Variants in MYRIP observed in about 807,000 individuals in gnomAD.
MYRIP encodes myosin VIIA and Rab interacting protein.
In MYRIP, 49 loss-of-function variants were observed where a neutral mutation model predicts 98.0. The ratio of observed to expected loss-of-function variants is 0.50; its 90% confidence interval spans 0.40 to 0.63. MYRIP has a LOEUF of 0.63. Ranked by LOEUF, MYRIP falls within the 30% of genes least tolerant of loss-of-function variation. MYRIP has a pLI of 0.00. For missense variants in MYRIP, 1,004 were observed against 1,058.2 expected, an observed-to-expected ratio of 0.95 and a Z score of 0.71; for synonymous variants, 404 against 409.5, an observed-to-expected ratio of 0.99 and a Z score of 0.16.
chr3:39,926,274 T>C (rs1298946917), intron 2 of MYRIP, among the ~76,000 whole-genome samples: 1 of 152,144 alleles, frequency 6.6e-6, no homozygotes, highest in Non-Finnish European at 1.5e-5. Flanking sequence ...TTTTCTCCCA[T>C]TCTGTGGGTC....
chr3:40,014,190 A>G (rs9831302), intron 2 of MYRIP, among the ~76,000 whole-genome samples: 14,693 of 152,192 alleles, frequency 0.097, 1,258 homozygotes, highest in African/African-American at 0.22. Flanking sequence ...ACCCATATAA[A>G]CAAAATTATG....
intron 10 of MYRIP, among the ~76,000 whole-genome samples, chr3:40,192,325 TGTC>T (rs375425654): frequency 1.6e-4 from 3 of 18,392 alleles, no homozygotes; most frequent in Admixed American, 8.2e-4. Flanking sequence ...TATATATATA[TGTC>T]ATATATATAT....
At chr3:40,257,004 G>T (rs1430493607) in intron 16 of MYRIP, among the ~76,000 whole-genome samples, 1 of 152,100 alleles carries the variant, frequency 6.6e-6, no homozygotes, top group Non-Finnish European at 1.5e-5. Context: ...TAAAATATTA[G>T]CCAATTAAAG....
intron 2 of MYRIP, among the ~76,000 whole-genome samples, chr3:40,025,691 A>G (rs1409503498): frequency 6.6e-6 from 1 of 152,126 alleles, no homozygotes; most frequent in African/African-American, 2.4e-5. Context: ...CAGCTGGGCC[A>G]CGGAGGGTGT....
At chr3:39,945,492 GA>G (rs71618921) in intron 2 of MYRIP, among the ~76,000 whole-genome samples, 11 of 119,500 alleles carry the variant, frequency 9.2e-5, no homozygotes, top group African/African-American at 3.6e-4. Flanking sequence ...AAAAAAAAAA[GA>G]AAAAAGAAAA....
intron 2 of MYRIP, among the ~76,000 whole-genome samples, chr3:39,956,744 G>A (rs574759408): frequency 6.6e-6 from 1 of 151,694 alleles, no homozygotes; most frequent in Non-Finnish European, 1.5e-5. Flanking sequence ...CCAGGAGCTT[G>A]TATTTTGAAA....
At chr3:39,876,903 G>A (rs918356805) in intron 1 of MYRIP, among the ~76,000 whole-genome samples, 2 of 152,080 alleles carry the variant, frequency 1.3e-5, no homozygotes, top group African/African-American at 2.4e-5. Flanking sequence ...TGCTAGATTG[G>A]GGAAGTTCTC....
At chr3:39,899,506 A>G (rs13060185) in intron 1 of MYRIP, among the ~76,000 whole-genome samples, 53,187 of 151,920 alleles carry the variant, frequency 0.35, 9,701 homozygotes, top group Middle Eastern at 0.45. Flanking sequence ...TTATAGGTCA[A>G]TGATCCAAAC....
At chr3:40,097,091 C>T (rs1276755375) in intron 3 of MYRIP, among the ~76,000 whole-genome samples, 1 of 152,170 alleles carries the variant, frequency 6.6e-6, no homozygotes, top group Non-Finnish European at 1.5e-5. Context: ...TAAAACCAAC[C>T]ACGACCAAAA....
intron 2 of MYRIP, among the ~76,000 whole-genome samples, chr3:39,928,199 A>G (rs1167515570): frequency 6.6e-6 from 1 of 152,024 alleles, no homozygotes; most frequent in African/African-American, 2.4e-5. Context: ...CCTGTCCCCA[A>G]AAATAAATCT....
intron 3 of MYRIP, among the ~76,000 whole-genome samples, chr3:40,052,392 T>C (rs1197550302): frequency 6.6e-6 from 1 of 152,170 alleles, no homozygotes; most frequent in African/African-American, 2.4e-5. Flanking sequence ...GCTTTAGAGA[T>C]ACTCCAATGT....
At chr3:39,847,640 T>C (rs1273911981) in intron 1 of MYRIP, among the ~76,000 whole-genome samples, 1 of 152,188 alleles carries the variant, frequency 6.6e-6, no homozygotes, top group Non-Finnish European at 1.5e-5. Flanking sequence ...CCCACAGAGA[T>C]GATCCTTTTA....
intron 2 of MYRIP, among the ~76,000 whole-genome samples, chr3:39,989,986 C>T (rs1294700496): frequency 2.0e-5 from 3 of 152,226 alleles, no homozygotes; most frequent in Non-Finnish European, 2.9e-5. Context: ...CCAAGGAGTC[C>T]AAACGGCTTA....
intron 8 of MYRIP, among the ~76,000 whole-genome samples, chr3:40,175,229 T>C (rs1048265218): frequency 9.9e-5 from 15 of 152,224 alleles, no homozygotes; most frequent in Admixed American, 3.9e-4. Context: ...TCTTGATTCG[T>C]TGGATTGTTT....
intron 1 of MYRIP, among the ~76,000 whole-genome samples, chr3:39,872,426 T>G (rs909781705): frequency 5.3e-5 from 8 of 151,998 alleles, no homozygotes; most frequent in Non-Finnish European, 1.0e-4. Flanking sequence ...CATGTTGGTA[T>G]GCTGCACCCA....
In MYRIP at chr3:40,182,311, A is replaced by G. The variant is rs768420269; in HGVS notation, c.965A>G (p.Gln322Arg). ...TCGAGGCAGCCAAGGGACCAAGGCC[A>G]ACACCCGAGAGCAGAGTCTGCTCTG... ...APSRQPRDQG[Q>R]HPRAESALPS... Residue 322 changes from glutamine (Q) to arginine (R), a missense_variant, in exon 9 of 17, where the codon CAA becomes CGA. By Grantham distance (43) the Gln-to-Arg change is conservative. Coordinates refer to ENST00000302541, the MANE Select transcript of MYRIP (RefSeq NM_015460.4). 1.9e-6 allele frequency: 3 copies of G among 1,613,976 alleles called. No individual in the cohort carries two copies. The highest frequency in any genetic ancestry group is 3.3e-5 in the Admixed American group (2 of 60,002).
chr3:39,993,473 C>T (rs796151730), intron 2 of MYRIP, among the ~76,000 whole-genome samples: 23 of 152,312 alleles, frequency 1.5e-4, no homozygotes, highest in African/African-American at 5.3e-4. Context: ...GCCTCCCTTG[C>T]ACCTAAGCAT....
At chr3:40,141,578 G>A (rs945264925) in intron 3 of MYRIP, among the ~76,000 whole-genome samples, 1 of 152,018 alleles carries the variant, frequency 6.6e-6, no homozygotes. Context: ...ATTACTTTAG[G>A]TCTCATGTTT....
Position 40,165,779 on chromosome 3 carries a change from CT to C in MYRIP, c.551-1066del, listed in dbSNP as rs1254814500. On this transcript the variant is annotated intron_variant, in intron 5 of 16. Transcript: ENST00000302541. ...CTTAAAAAAAAAAAAAAAAAGTTCACTAAAAGTATGGTAGCACTATATTTTT... is the reference window on the plus strand; with the variant it reads ...CTTAAAAAAAAAAAAAAAAAGTTCACAAAAGTATGGTAGCACTATATTTTT... 7.4e-5 allele frequency among the ~76,000 whole-genome samples: 11 copies of C among 149,312 alleles called. No homozygotes were observed. In the South Asian group the frequency reaches 2.1e-3, roughly 29 times the overall value.
Sources: gnomAD v4.1 joint callset for allele counts (sites outside exome capture counted in the v4.1 genomes callset) on GRCh38, gnomAD v4.1.1 for gene constraint, MANE v1.5 for transcripts, NCBI Gene and HGNC (gene_info 2026-07-23, HGNC 2026-07-21) for gene names.